ZBTB21: variants seen among roughly 807,000 people sequenced by gnomAD.
ZBTB21 encodes zinc finger and BTB domain containing 21.
In ZBTB21, 10 loss-of-function variants were observed where a neutral mutation model predicts 39.8. The ratio of observed to expected loss-of-function variants is 0.25; its 90% CI spans 0.16 to 0.43. The LOEUF (loss-of-function observed/expected upper bound fraction) is 0.43, where lower values mean the gene tolerates loss of function less well. Among genes scored for constraint, ZBTB21 ranks in the 20% least tolerant of loss-of-function variants. The probability of loss-of-function intolerance (pLI) is 1.00; values close to 1 mark genes in which losing one functional copy is unlikely to be tolerated. For synonymous variants in ZBTB21, 551 were observed against 498.8 expected (o/e 1.10, Z -1.40); for missense variants, 1,221 against 1,296.3 (o/e 0.94, Z 0.89).
intron 2 of ZBTB21, among the ~76,000 whole-genome samples, chr21:41,996,461 C>T (rs1047908305): frequency 5.9e-5 from 9 of 152,154 alleles, no homozygotes; most frequent in African/African-American, 2.2e-4. Context: ...TCTGTTTTGG[C>T]CAATTTCTCC....
rs1307244648 is a variant in ZBTB21 at position 41,993,976 on chromosome 21, C to T, written c.120G>A (p.Lys40=). The change falls in exon 3 of 3, where the codon AAG becomes AAA. Residue 40 remains lysine, a synonymous_variant. Transcript: ENST00000310826. ...CDVLLIVGDQ[K]FRAHKNVLAA... ...CCAAGACGTTTTTATGAGCTCGGAA[C>T]TTTTGGTCTCCAACAATCAGCAGCA... 5.6e-6 allele frequency: 9 copies of T among 1,614,256 alleles called. No individual in the cohort carries two copies. Among genetic ancestry groups the T allele is most frequent in the Non-Finnish European group, 6.8e-6 (8 of 1,180,052 alleles).
chr21:41,991,347 T>A lies in ZBTB21; in HGVS notation c.2749A>T (p.Met917Leu). The change falls in exon 3 of 3, where the codon ATG (methionine) becomes TTG (leucine). Residue 917 changes from methionine to leucine, a missense_variant. Coordinates refer to ENST00000310826, the MANE Select transcript of ZBTB21 (RefSeq NM_001098402.2). The surrounding 1 kb of genome is among the most constrained non-coding windows in gnomAD (Gnocchi z 4.9). The stretch of plus-strand genomic sequence containing the variant: ...TCCAGCTGCTTATGCACCGTGAACA[T>A]CTTCCCACACTTCTCGCAGGGCCAC... ...SLWPCEKCGK[M>L]FTVHKQLERH... 1.2e-6 allele frequency: 2 copies of A among 1,606,858 alleles called. No homozygotes were observed. The highest frequency in any genetic ancestry group is 1.7e-4 in the Middle Eastern group (1 of 6,008).
rs1188084298 is a variant in ZBTB21, at chr21:42,008,350, A to AG, written c.-79+1901_-79+1902insC. Among the ~76,000 whole-genome samples, 287 of 145,312 alleles carry AG rather than the reference A, an allele frequency of 2.0e-3. 1 individual carries two copies. Among genetic ancestry groups the AG allele is most frequent in the African/African-American group, 7.2e-3 (268 of 37,458 alleles). ...ATGAAACCCCGTCTCTACAAAAAAA[A>AG]AAAAAAAAAAAAAAAAAATTAGCTG... On this transcript the variant is annotated intron_variant, in intron 1 of 2. Coordinates refer to ENST00000310826, the MANE Select transcript of ZBTB21 (RefSeq NM_001098402.2).
At chr21:42,010,195 T>C (rs1188232064) in intron 1 of ZBTB21, 57 bp downstream of exon 1, 1 of 394,528 alleles carries the variant, frequency 2.5e-6, no homozygotes, top group South Asian at 1.3e-4. Flanking sequence ...GGGGAGGCTG[T>C]AGCCTCCCAA....
At chr21:42,007,854 A>C (rs987523) in intron 1 of ZBTB21, 97,155 of 152,110 alleles carry the variant, frequency 0.64, 32,610 homozygotes, top group African/African-American at 0.8. Flanking sequence ...AGAGCCCCAA[A>C]ACGTGGCAGT....
rs768240147 is a variant in ZBTB21 at position 41,991,532 on chromosome 21, T to C, written c.2564A>G (p.Asn855Ser). Residue 855 changes from asparagine to serine, a missense_variant, in exon 3 of 3, where the codon AAC (asparagine) becomes AGC (serine). Asn to Ser is a conservative substitution (Grantham distance 46, BLOSUM62 1). Coordinates refer to ENST00000310826, the MANE Select transcript of ZBTB21 (RefSeq NM_001098402.2). This position sits in a 1 kb window ranked among gnomAD's most constrained non-coding sequence, Gnocchi z 4.9. The part of the protein sequence containing the change: ...NVFSDSSEQV[N>S]FDSEDSSCLP... ...ACAAGAGGAATCTTCCGAGTCGAAG[T>C]TAACTTGTTCTGAAGAATCACTGAA... 26 of 1,614,118 alleles carry C rather than the reference T, an allele frequency of 1.6e-5. 1 individual carries two copies. The South Asian group carries it at 2.9e-4, about 18-fold the overall frequency.
At position 42,000,706 on chromosome 21, in the gene ZBTB21, C is replaced by T. The variant is rs148107702; in HGVS notation, c.-14+2191G>A. 2.4e-3 allele frequency among the ~76,000 whole-genome samples: 360 copies of T among 152,278 alleles called. 2 individuals carry two copies. The highest frequency in any genetic ancestry group is 8.3e-3 in the African/African-American group (344 of 41,550). On this transcript the variant is annotated intron_variant, in intron 2 of 2. Transcript: ENST00000310826. ...GCTTCAAATTTCTTGGATCACAGAC[C>T]TCTATCTTCTTTGGATGAAAACATC...
chr21:41,997,766 G>A (rs2065768031), intron 2 of ZBTB21, among the ~76,000 whole-genome samples: 1 of 152,196 alleles, frequency 6.6e-6, no homozygotes, highest in African/African-American at 2.4e-5. Flanking sequence ...AGTTTAAACT[G>A]ATATTTCACT....
chr21:41,993,440 G>C lies in ZBTB21; in HGVS notation c.656C>G (p.Ser219Cys). The C allele has an allele frequency of 6.2e-7, 1 of 1,614,182 alleles. No individual in the cohort carries two copies. Among genetic ancestry groups the C allele is most frequent in the South Asian group, 1.1e-5 (1 of 91,076 alleles). Residue 219 changes from serine (S) to cysteine (C), a missense_variant, in exon 3 of 3, where the codon TCT becomes TGT. Physicochemically the swap from Ser to Cys is moderately radical, Grantham distance 112. Around this residue, in one of 4 missense-constraint regions of ZBTB21, gnomAD observed 500 missense variants for 465.6 expected, o/e 1.07. Transcript: ENST00000310826. Reference sequence around the variant, plus strand: ...ATCCAAAGATCCAGAATGCTCAAGAGACTTTGCATATACCACAGAACTATC... The same window carrying C: ...ATCCAAAGATCCAGAATGCTCAAGACACTTTGCATATACCACAGAACTATC... ...PKDSSVVYAKSLEHSGSLDDP... is the reference protein window; with the variant it reads ...PKDSSVVYAKCLEHSGSLDDP...
rs2065678919 is a variant in ZBTB21, at chr21:41,992,618, G to A, written c.1478C>T (p.Pro493Leu). The A allele has an allele frequency of 4.3e-6, 7 of 1,614,124 alleles. No homozygotes were observed. The highest frequency in any genetic ancestry group is 1.6e-4 in the Middle Eastern group (1 of 6,062). ...CTCATTCACCTTTAACTTCTTAAAC[G>A]GCAATCTTCGGTCCGCTTGGAACCT... ...KRRFQADRRL[P>L]FKKLKVNEHG... The change falls in exon 3 of 3, where the codon CCG (proline) becomes CTG (leucine). Residue 493 changes from proline to leucine, a missense_variant. Transcript: ENST00000310826. The surrounding 1 kb of genome is among the most constrained non-coding windows in gnomAD (Gnocchi z 4.1).
At chr21:41,994,144 C>G (rs2065714773) in intron 2 of ZBTB21, 36 bp from the exon 3 acceptor site, 1 of 1,517,730 alleles carries the variant, frequency 6.6e-7, no homozygotes, top group South Asian at 1.3e-5. Flanking sequence ...ACAGATATTG[C>G]AGTGAAAAGT....
chr21:42,010,171 A>G, intron 1 of ZBTB21, 81 bp downstream of exon 1: 1 of 391,804 alleles, frequency 2.6e-6, no homozygotes, highest in Non-Finnish European at 4.5e-6. Context: ...ACGTCAGGAA[A>G]GGCCGCGTTT....
At chr21:42,007,641 A>C (rs557262232) in intron 1 of ZBTB21, among the ~76,000 whole-genome samples, 4 of 152,320 alleles carry the variant, frequency 2.6e-5, no homozygotes, top group African/African-American at 9.6e-5. Flanking sequence ...CTCTGTAATA[A>C]CACCACAACT....
intron 2 of ZBTB21, among the ~76,000 whole-genome samples, chr21:41,997,184 A>C (rs1160491356): frequency 6.6e-6 from 1 of 152,158 alleles, no homozygotes; most frequent in Non-Finnish European, 1.5e-5. Context: ...AGCCTCCCCA[A>C]GTGTTGGGAT....
At position 41,992,142 on chromosome 21, in the gene ZBTB21, A is replaced by G. The variant is rs563008699; in HGVS notation, c.1954T>C (p.Ser652Pro). The G allele has an allele frequency of 1.2e-6, 2 of 1,614,072 alleles. No homozygotes were observed. Among genetic ancestry groups the G allele is most frequent in the Admixed American group, 3.3e-5 (2 of 60,002 alleles). ...CTCTTGATGACTTGCTGTGCTTGGG[A>G]GCTACTCTGTCCCTGAAAACCAGGC... ...GKPGFQGQSS[S>P]QAQQVIKRNL... Residue 652 changes from serine (S) to proline (P), a missense_variant, in exon 3 of 3, where the codon TCC becomes CCC. Physicochemically the swap from Ser to Pro is moderately conservative, Grantham distance 74. Transcript: ENST00000310826. The surrounding 1 kb of genome is among the most constrained non-coding windows in gnomAD (Gnocchi z 4.1).
chr21:41,987,536 T>C lies in ZBTB21; in HGVS notation c.*3359A>G, dbSNP rs192007049. On this transcript the variant is annotated 3_prime_UTR_variant, in exon 3 of 3. Coordinates refer to ENST00000310826, the MANE Select transcript of ZBTB21 (RefSeq NM_001098402.2). ...GTGTCAGCATTATTTAAATCAATAA[T>C]GCATTTCACAATTATTGCAGAAACA... 8.5e-4 allele frequency: 129 copies of C among 152,350 alleles called. No individual in the cohort carries two copies. The highest frequency in any genetic ancestry group is 3.0e-3 in the African/African-American group (124 of 41,572). 9.4% of individuals were successfully genotyped at this position (152,350 alleles called of 1,614,324 possible). A position where few individuals can be genotyped will look rare whatever the true frequency, so the allele number is the denominator to read the frequency against.
At chr21:41,996,999 C>A (rs2146304253) in intron 2 of ZBTB21, among the ~76,000 whole-genome samples, 1 of 152,332 alleles carries the variant, frequency 6.6e-6, no homozygotes, top group Non-Finnish European at 1.5e-5. Flanking sequence ...TGTGAGTCCA[C>A]TGAACCTCTT....
intron 2 of ZBTB21, among the ~76,000 whole-genome samples, chr21:41,997,575 C>CAAAAAAA (rs10709533): frequency 8.5e-6 from 1 of 117,856 alleles, no homozygotes; most frequent in African/African-American, 2.9e-5. Context: ...GACGTTGTCT[C>CAAAAAAA]AAAAAAAAAA....
At chr21:41,995,514 T>G (rs1319595580) in intron 2 of ZBTB21, among the ~76,000 whole-genome samples, 2 of 152,198 alleles carry the variant, frequency 1.3e-5, no homozygotes, top group Admixed American at 1.3e-4. Flanking sequence ...CAAGAGGTTC[T>G]CAGGTGCTGT....
Sources: allele counts gnomAD v4.1 joint callset (sites outside exome capture counted in the v4.1 genomes callset), GRCh38; gene constraint gnomAD v4.1.1; regional missense constraint gnomAD v4.1.1; non-coding constraint Gnocchi (gnomAD v3.1); transcripts MANE v1.5; gene names NCBI Gene and HGNC (gene_info 2026-07-23, HGNC 2026-07-21).